Variants in CSMD1 observed in about 807,000 individuals in gnomAD.
CSMD1 encodes CUB and Sushi multiple domains 1.
A neutral mutation model predicts 417.5 loss-of-function variants in CSMD1; 213 were observed. The ratio of observed to expected loss-of-function variants is 0.51; its 90% CI spans 0.46 to 0.57. The LOEUF is 0.57. CSMD1 is among the 20% of genes least tolerant of loss of function. The probability of loss-of-function intolerance (pLI) is 0.00; values close to 1 mark genes in which losing one functional copy is unlikely to be tolerated. For missense variants in CSMD1, 6,923 were observed against 4,529.7 expected (o/e 1.53, Z -15.17); for synonymous variants, 2,862 against 1,736.8 (o/e 1.65, Z -16.11).
At chr8:3,700,764 C>G (rs1228048947) in intron 7 of CSMD1, 1 of 152,114 alleles carries the variant, frequency 6.6e-6, no homozygotes, top group East Asian at 1.9e-4. Flanking sequence ...AAGAAACAGC[C>G]CAGAAACCAA....
At chr8:3,424,187 T>C (rs1208878115) in intron 12 of CSMD1, among the ~76,000 whole-genome samples, 1 of 152,194 alleles carries the variant, frequency 6.6e-6, no homozygotes, top group Non-Finnish European at 1.5e-5. Context: ...GAGTTTATGA[T>C]ATTTGTTTAG....
chr8:4,298,199 A>G (rs963890969), intron 3 of CSMD1, among the ~76,000 whole-genome samples: 3 of 152,192 alleles, frequency 2.0e-5, no homozygotes, highest in Non-Finnish European at 4.4e-5. Flanking sequence ...TAGTTAAATG[A>G]AGTTTCCAAA....
chr8:4,918,761 T>C (rs905359546), intron 1 of CSMD1, among the ~76,000 whole-genome samples: 1 of 152,218 alleles, frequency 6.6e-6, no homozygotes, highest in African/African-American at 2.4e-5. Context: ...TATATGCAGG[T>C]ATGTGCATAT....
At chr8:4,318,898 T>C (rs1361560048) in intron 3 of CSMD1, among the ~76,000 whole-genome samples, 1 of 152,170 alleles carries the variant, frequency 6.6e-6, no homozygotes, top group Non-Finnish European at 1.5e-5. Flanking sequence ...ACGTACTTTC[T>C]GAAACTTTAG....
intron 3 of CSMD1, among the ~76,000 whole-genome samples, chr8:4,297,000 C>A (rs539961974): frequency 7.2e-5 from 11 of 151,982 alleles, no homozygotes; most frequent in Admixed American, 7.2e-4. Context: ...AGTACAAAGA[C>A]AGGAATAGGA....
chr8:3,889,014 A>G (rs779488070), intron 5 of CSMD1, among the ~76,000 whole-genome samples: 2 of 152,170 alleles, frequency 1.3e-5, no homozygotes, highest in Non-Finnish European at 2.9e-5. Context: ...AACTCATTCA[A>G]TTACCATAAT....
Position 4,791,764 on chromosome 8 carries a change from G to A in CSMD1, c.86-154206C>T, listed in dbSNP as rs76765036. Reference sequence around the variant, plus strand: ...AAGTTCAATTTCCTTCATTAGCATCGTGTGCTAAACATTTCACTTTGAGAT... The same window carrying A: ...AAGTTCAATTTCCTTCATTAGCATCATGTGCTAAACATTTCACTTTGAGAT... On this transcript the variant is annotated intron_variant, in intron 1 of 69. Transcript: ENST00000635120. Among the ~76,000 whole-genome samples, 760 of 152,218 alleles carry A rather than the reference G, an allele frequency of 5.0e-3. 10 individuals carry two copies. The highest frequency in any genetic ancestry group is 0.018 in the African/African-American group (738 of 41,524).
At chr8:4,847,721 C>G (rs1056040125) in intron 1 of CSMD1, among the ~76,000 whole-genome samples, 1 of 151,322 alleles carries the variant, frequency 6.6e-6, no homozygotes, top group East Asian at 1.9e-4. Context: ...TCACGCCTAC[C>G]TTGACAGTTT....
intron 3 of CSMD1, among the ~76,000 whole-genome samples, chr8:4,149,827 A>G (rs930456019): frequency 6.6e-6 from 1 of 152,208 alleles, no homozygotes; most frequent in African/African-American, 2.4e-5. Flanking sequence ...TACCACTTTA[A>G]TTGGTTCATT....
chr8:4,301,464 G>T (rs936395740), intron 3 of CSMD1, among the ~76,000 whole-genome samples: 9 of 152,172 alleles, frequency 5.9e-5, no homozygotes, highest in Non-Finnish European at 1.3e-4. Context: ...AGACCAGAGT[G>T]GTCCAGGATC....
At chr8:4,548,630 C>T (rs1797734256) in intron 2 of CSMD1, among the ~76,000 whole-genome samples, 1 of 151,830 alleles carries the variant, frequency 6.6e-6, no homozygotes, top group African/African-American at 2.4e-5. Context: ...CTTTTTTTCC[C>T]CACAGAATGA....
chr8:4,509,126 G>A (rs983510833), intron 2 of CSMD1, among the ~76,000 whole-genome samples: 5 of 152,254 alleles, frequency 3.3e-5, no homozygotes, highest in Non-Finnish European at 7.4e-5. Context: ...GATAAATGAA[G>A]TAAAATAAAC....
chr8:4,550,565 AT>A (rs1023269667), intron 2 of CSMD1, among the ~76,000 whole-genome samples: 3 of 152,186 alleles, frequency 2.0e-5, no homozygotes, highest in African/African-American at 4.8e-5. Flanking sequence ...TTTTTGAAAC[AT>A]TTTTTAAAAA....
intron 7 of CSMD1, among the ~76,000 whole-genome samples, chr8:3,693,327 T>G (rs1206468181): frequency 1.3e-5 from 2 of 152,228 alleles, no homozygotes; most frequent in African/African-American, 4.8e-5. Flanking sequence ...ATGATAATTT[T>G]TTTTTCAATT....
intron 1 of CSMD1, among the ~76,000 whole-genome samples, chr8:4,950,813 C>G (rs1478438888): frequency 1.3e-5 from 2 of 152,068 alleles, no homozygotes; most frequent in African/African-American, 4.8e-5. Flanking sequence ...CTCAACCACT[C>G]TTGGTGACCA....
intron 10 of CSMD1, among the ~76,000 whole-genome samples, chr8:3,567,219 G>C (rs868108728): frequency 6.6e-6 from 1 of 152,102 alleles, no homozygotes; most frequent in Non-Finnish European, 1.5e-5. Context: ...ACCAAATGGT[G>C]AAAGTACATG....
chr8:3,357,334 G>C (rs1054984786), intron 21 of CSMD1, among the ~76,000 whole-genome samples: 88 of 152,202 alleles, frequency 5.8e-4, no homozygotes, highest in African/African-American at 2.1e-3. Context: ...AAAGTTTGTA[G>C]AGTCTTTTTG....
chr8:4,662,708 G>T (rs1451634937), intron 1 of CSMD1, among the ~76,000 whole-genome samples: 1 of 152,132 alleles, frequency 6.6e-6, no homozygotes, highest in Non-Finnish European at 1.5e-5. Context: ...TGCACTTTCA[G>T]ATGTTACGCA....
intron 5 of CSMD1, among the ~76,000 whole-genome samples, chr8:3,984,703 TC>T (rs1283905777): frequency 1.5e-5 from 1 of 65,510 alleles, no homozygotes; most frequent in Non-Finnish European, 3.1e-5. Flanking sequence ...AGTGTATATA[TC>T]ATATATATAT....
Sources: allele counts gnomAD v4.1 joint callset (sites outside exome capture counted in the v4.1 genomes callset), GRCh38; gene constraint gnomAD v4.1.1; transcripts MANE v1.5; gene names NCBI Gene and HGNC (gene_info 2026-07-23, HGNC 2026-07-21).